VRK2: variants seen among roughly 807,000 people sequenced by gnomAD.
The protein encoded by VRK2 is VRK serine/threonine kinase 2.
In VRK2, 60 loss-of-function variants were observed where a neutral mutation model predicts 57.6. The ratio of observed to expected loss-of-function variants is 1.04; its 90% confidence interval spans 0.85 to 1.29. The LOEUF is 1.29. VRK2 is among the 50% of genes most tolerant of loss of function. The pLI is 0.00. For synonymous variants in VRK2, 231 were observed against 199.2 expected (o/e 1.16, Z -1.35); for missense variants, 705 against 588.1 (o/e 1.20, Z -2.06).
At chr2:58,096,685 G>A (rs900013039) in intron 7 of VRK2, among the ~76,000 whole-genome samples, 2 of 151,750 alleles carry the variant, frequency 1.3e-5, no homozygotes, top group Non-Finnish European at 1.5e-5. Flanking sequence ...ACTCATTAAT[G>A]AGATTTTTTC....
chr2:58,073,047 CT>C (rs959462411), intron 2 of VRK2, among the ~76,000 whole-genome samples: 3 of 151,962 alleles, frequency 2.0e-5, no homozygotes, highest in African/African-American at 7.2e-5. Context: ...GTTTGAAATA[CT>C]TTTTAAAATG....
intron 2 of VRK2, among the ~76,000 whole-genome samples, chr2:58,081,384 G>A (rs896298876): frequency 1.3e-4 from 20 of 151,902 alleles, no homozygotes; most frequent in African/African-American, 4.3e-4. Flanking sequence ...ATGAAAAAAT[G>A]TATGGCTAAA....
chr2:58,116,898 C>G (rs1676602610), intron 7 of VRK2, among the ~76,000 whole-genome samples: 1 of 152,156 alleles, frequency 6.6e-6, no homozygotes, highest in African/African-American at 2.4e-5. Context: ...GGAGGAGGTT[C>G]TGGAGGAACG....
chr2:57,988,538 G>A (rs1055680784), intron 1 of VRK2, among the ~76,000 whole-genome samples: 12 of 152,226 alleles, frequency 7.9e-5, no homozygotes, highest in African/African-American at 2.9e-4. Flanking sequence ...TCAATATGGG[G>A]AGGCATCATC....
chr2:58,116,129 C>T (rs1423648483), intron 7 of VRK2, among the ~76,000 whole-genome samples: 1 of 152,072 alleles, frequency 6.6e-6, no homozygotes, highest in Non-Finnish European at 1.5e-5. Flanking sequence ...TGATAACAGG[C>T]TTTAATCCTT....
chr2:58,128,790 A>G (rs957065665), intron 8 of VRK2, among the ~76,000 whole-genome samples: 1 of 152,146 alleles, frequency 6.6e-6, no homozygotes, highest in African/African-American at 2.4e-5. Flanking sequence ...ACTTACTTTA[A>G]ATTGTTTGAA....
intron 5 of VRK2, among the ~76,000 whole-genome samples, chr2:58,086,969 A>C (rs1375028958): frequency 6.6e-6 from 1 of 152,226 alleles, no homozygotes; most frequent in Non-Finnish European, 1.5e-5. Flanking sequence ...TAGTCACTAG[A>C]TAGATCCATT....
At chr2:58,127,352 C>G (rs752614764) in intron 8 of VRK2, among the ~76,000 whole-genome samples, 1 of 152,092 alleles carries the variant, frequency 6.6e-6, no homozygotes, top group Non-Finnish European at 1.5e-5. Flanking sequence ...GTTAAGAATA[C>G]TTACATTGGC....
chr2:57,911,457 C>T (rs747302312), intron 1 of VRK2, among the ~76,000 whole-genome samples: 2 of 152,092 alleles, frequency 1.3e-5, no homozygotes, highest in Non-Finnish European at 2.9e-5. Flanking sequence ...TTCTGATGGT[C>T]GCAGAAACCA....
intron 5 of VRK2, 93 bp downstream of exon 5, chr2:58,086,519 CAT>C (rs1282181280): frequency 1.4e-5 from 15 of 1,063,766 alleles, no homozygotes; most frequent in South Asian, 1.0e-4. Flanking sequence ...ATTACCAAAA[CAT>C]ATTGGCATAT....
At chr2:57,940,897 A>G (rs1671073754) in intron 1 of VRK2, among the ~76,000 whole-genome samples, 1 of 151,958 alleles carries the variant, frequency 6.6e-6, no homozygotes. Flanking sequence ...AAAAAAAAAA[A>G]GACCCAAATA....
chr2:58,052,578 A>C (rs1443224503), intron 2 of VRK2, among the ~76,000 whole-genome samples: 3 of 146,498 alleles, frequency 2.0e-5, no homozygotes, highest in Admixed American at 6.8e-5. Context: ...ATTCTAGCTT[A>C]GGTGACGGAG....
chr2:58,001,624 C>T (rs1386773809), intron 1 of VRK2, among the ~76,000 whole-genome samples: 2 of 152,058 alleles, frequency 1.3e-5, no homozygotes. Flanking sequence ...GAGTTTGTGA[C>T]CAGCCTGCCC....
chr2:57,953,260 C>A (rs775492351), intron 1 of VRK2, among the ~76,000 whole-genome samples: 15 of 152,178 alleles, frequency 9.9e-5, no homozygotes, highest in Non-Finnish European at 2.2e-4. Context: ...CGAATTGATG[C>A]TGATTACTTT....
intron 3 of VRK2, among the ~76,000 whole-genome samples, chr2:58,037,144 C>T (rs1674301710): frequency 6.6e-6 from 1 of 151,924 alleles, no homozygotes; most frequent in South Asian, 2.1e-4. Flanking sequence ...TCATGTTGCC[C>T]AGGCTGATCT....
In VRK2 at chr2:57,988,843, T is replaced by C. The variant is rs113056616; in HGVS notation, c.-438-36822T>C. Among the ~76,000 whole-genome samples, 81 of 152,334 alleles carry C rather than the reference T, an allele frequency of 5.3e-4. 2 individuals are homozygous for C. Among genetic ancestry groups the C allele is most frequent in the African/African-American group, 1.9e-3 (79 of 41,578 alleles). ...GAATTCACAGCCTCTTTAGTTCTAA[T>C]TCCCATAATAAGCCTCTTCTATAGC... On this transcript the variant is annotated intron_variant, in intron 1 of 15. Transcript: ENST00000417641.
At chr2:58,143,868 C>T (rs528773725) in intron 11 of VRK2, among the ~76,000 whole-genome samples, 10 of 151,712 alleles carry the variant, frequency 6.6e-5, no homozygotes, top group African/African-American at 2.2e-4. Context: ...TGGTCCGTAA[C>T]CACAATATTA....
intron 1 of VRK2, among the ~76,000 whole-genome samples, chr2:57,928,694 G>C (rs2312143): frequency 1.4e-4 from 22 of 151,876 alleles, no homozygotes; most frequent in African/African-American, 5.3e-4. Context: ...GGCTTTCTCA[G>C]TATTCAGTAT....
At chr2:57,970,818 C>G (rs1179786737) in intron 1 of VRK2, among the ~76,000 whole-genome samples, 2 of 151,980 alleles carry the variant, frequency 1.3e-5, no homozygotes, top group African/African-American at 4.8e-5. Flanking sequence ...CTTCTCCCTT[C>G]TACTACCATT....
Sources: gnomAD v4.1 joint callset for allele counts (sites outside exome capture counted in the v4.1 genomes callset) on GRCh38, gnomAD v4.1.1 for gene constraint, MANE v1.5 for transcripts, NCBI Gene and HGNC (gene_info 2026-07-23, HGNC 2026-07-21) for gene names.